Variants in PTDSS2 observed in about 807,000 individuals in gnomAD.
The protein encoded by PTDSS2 is PSS-2.
Under a neutral mutation model 64.7 loss-of-function variants are expected in PTDSS2, and 41 were observed. The ratio of observed to expected loss-of-function variants is 0.63; its 90% CI spans 0.49 to 0.82. The LOEUF (loss-of-function observed/expected upper bound fraction) is 0.82, where lower values mean the gene tolerates loss of function less well. Among genes scored for constraint, PTDSS2 ranks in the 40% least tolerant of loss-of-function variants. The pLI, the probability that PTDSS2 is intolerant of heterozygous loss-of-function variation, is 0.00. For missense variants in PTDSS2, 485 were observed against 650.0 expected (o/e 0.75, Z 2.76); for synonymous variants, 297 against 277.8 (o/e 1.07, Z -0.69).
At chr11:459,006 C>T (rs1221572362) in intron 1 of PTDSS2, 1 of 152,250 alleles carries the variant, frequency 6.6e-6, no homozygotes, top group Non-Finnish European at 1.5e-5. Flanking sequence ...GGTGCATCAT[C>T]TCTCCAAGGA....
At chr11:473,713 G>A (rs1383259202) in intron 2 of PTDSS2, among the ~76,000 whole-genome samples, 182 bp from the exon 3 acceptor site, 1 of 152,248 alleles carries the variant, frequency 6.6e-6, no homozygotes, top group Non-Finnish European at 1.5e-5. Flanking sequence ...TCCGGCCCAG[G>A]GTGGTGGAGG....
chr11:488,022 C>T (rs1345553077), intron 6 of PTDSS2, among the ~76,000 whole-genome samples, 177 bp from the exon 7 acceptor site: 67 of 146,788 alleles, frequency 4.6e-4, no homozygotes, highest in Non-Finnish European at 3.0e-5. Flanking sequence ...CCGGGCGTGG[C>T]CTGCGTCCCA....
In PTDSS2 at chr11:479,002, G is replaced by A; in HGVS notation, c.368-83G>A. ...GCCCAGAAGAGACACTGGGTGTGAAGGAGCCAGGAGCCGGCCTGGGGCTGA... is the reference window on the plus strand; with the variant it reads ...GCCCAGAAGAGACACTGGGTGTGAAAGAGCCAGGAGCCGGCCTGGGGCTGA... On this transcript the variant is annotated intron_variant, in intron 3 of 11. Coordinates refer to ENST00000308020, the MANE Select transcript of PTDSS2 (RefSeq NM_030783.3). The surrounding 1 kb of genome is among the most constrained non-coding windows in gnomAD (Gnocchi z 4.2). 9.0e-7 allele frequency: 1 copy of A among 1,109,746 alleles called. No individual in the cohort carries two copies. The highest frequency in any genetic ancestry group is 1.4e-6 in the Non-Finnish European group (1 of 725,574). The allele number at this position is 1,109,746 out of a possible 1,614,324, so 68.7% of individuals were successfully genotyped here. A position where few individuals can be genotyped will look rare whatever the true frequency, so the allele number is the denominator to read the frequency against.
intron 2 of PTDSS2, among the ~76,000 whole-genome samples, chr11:464,505 T>C (rs1002330303): frequency 1.3e-5 from 2 of 152,102 alleles, no homozygotes; most frequent in African/African-American, 4.8e-5. Flanking sequence ...TCACCCCGGC[T>C]CGGGCAGTGC....
In PTDSS2 at chr11:450,319, C is replaced by A. The variant is rs143028950; in HGVS notation, c.-137C>A. On this transcript the variant is annotated 5_prime_UTR_variant, in exon 1 of 12. Transcript: ENST00000308020. Reference sequence around the variant, plus strand: ...CCCTTTACTGGCCGGCCCCGCGCTGCTCTCCTAAGACCCCGCGGGCCAGCG... The same window carrying A: ...CCCTTTACTGGCCGGCCCCGCGCTGATCTCCTAAGACCCCGCGGGCCAGCG... 955 of 692,516 alleles carry A rather than the reference C, an allele frequency of 1.4e-3. 9 individuals are homozygous for A. The African/African-American group carries it at 0.016, about 12-fold the overall frequency. 42.9% of individuals were successfully genotyped at this position (692,516 alleles called of 1,614,324 possible). A position where few individuals can be genotyped will look rare whatever the true frequency, so the allele number is the denominator to read the frequency against.
chr11:486,854 AT>A (rs201246688), intron 4 of PTDSS2, 84 bp from the exon 5 acceptor site: 13,892 of 1,371,628 alleles, frequency 0.01, 11 homozygotes, highest in African/African-American at 0.015. Flanking sequence ...TCTCAAAAAA[AT>A]AAAATAAATA....
At chr11:465,325 G>T (rs1847093471) in intron 2 of PTDSS2, among the ~76,000 whole-genome samples, 1 of 152,206 alleles carries the variant, frequency 6.6e-6, no homozygotes. Flanking sequence ...CAAGGAGCTA[G>T]GACTACCGGT....
intron 2 of PTDSS2, among the ~76,000 whole-genome samples, chr11:473,300 G>T (rs12418639): frequency 0.098 from 14,944 of 152,294 alleles, 1,017 homozygotes; most frequent in Admixed American, 0.19. Flanking sequence ...GAGTCCCGTT[G>T]GTTTTGGATG....
At chr11:463,459 T>C (rs1399484487) in intron 2 of PTDSS2, 2 of 151,322 alleles carry the variant, frequency 1.3e-5, no homozygotes, top group African/African-American at 4.9e-5. Context: ...TTTTTTTTTT[T>C]TGGTCAATGT....
At chr11:450,161 A>T (rs1194107158), upstream of PTDSS2, 1 of 303,826 alleles carries the variant, frequency 3.3e-6, no homozygotes, top group African/African-American at 2.2e-5. Flanking sequence ...CCTCAGCCGC[A>T]GGGCGGTCCG....
chr11:452,408 C>T (rs1324187681), intron 1 of PTDSS2, among the ~76,000 whole-genome samples: 1 of 152,222 alleles, frequency 6.6e-6, no homozygotes, highest in Non-Finnish European at 1.5e-5. Context: ...CCACCCAGTA[C>T]CAGGGAAGCA....
In PTDSS2 at chr11:490,810, GCGCGTGTGTACA is replaced by G. The variant is rs1169109271; in HGVS notation, c.*230_*241del. The G allele has an allele frequency of 5.2e-6, 3 of 574,900 alleles. No homozygotes were observed. In the East Asian group the frequency reaches 8.6e-5, roughly 16 times the overall value. The allele number at this position is 574,900 out of a possible 1,614,324, so 35.6% of individuals were successfully genotyped here. A position where few individuals can be genotyped will look rare whatever the true frequency, so the allele number is the denominator to read the frequency against. ...TATGCGTGTGTGTACGCGTGTGTAC[GCGCGTGTGTACA>G]CATGCGTGGCCGCCTGTGGTGTGCA... On this transcript the variant is annotated 3_prime_UTR_variant, in exon 12 of 12. Transcript: ENST00000308020.
chr11:490,462 G>T lies in PTDSS2; in HGVS notation c.1344G>T (p.Trp448Cys), dbSNP rs749867975. 5.6e-6 allele frequency: 9 copies of T among 1,613,238 alleles called. No individual in the cohort carries two copies. In the East Asian group the frequency reaches 1.6e-4, roughly 28 times the overall value. ...ACAAGGAGACCCGGTGGCAGAAGTG[G>T]CAGAACAAGGATGACCAGGGCAGCA... ...LRYKETRWQK[W>C]QNKDDQGSTV... The change falls in exon 12 of 12, where the codon TGG (tryptophan) becomes TGT (cysteine). Residue 448 changes from tryptophan to cysteine, a missense_variant. Trp to Cys is a radical substitution (Grantham distance 215). Transcript: ENST00000308020.
chr11:486,919 CGGG>C lies in PTDSS2; in HGVS notation c.436-17_436-15del, dbSNP rs765083495. 46 of 1,595,808 alleles carry C rather than the reference CGGG, an allele frequency of 2.9e-5. No homozygotes were observed. Among genetic ancestry groups the C allele is most frequent in the Non-Finnish European group, 3.8e-5 (44 of 1,170,656 alleles). ...CCACCACTAACTGTAGCCCCGCTGA[CGGG>C]GGCACTGGCCTTGCAGACTGTCCAG... On this transcript the variant is annotated splice_polypyrimidine_tract_variant and intron_variant, in intron 4 of 11. Transcript: ENST00000308020.
chr11:457,941 G>A (rs561720978), intron 1 of PTDSS2, among the ~76,000 whole-genome samples: 21 of 152,308 alleles, frequency 1.4e-4, no homozygotes, highest in African/African-American at 2.6e-4. Flanking sequence ...AATTTCAGCC[G>A]TTCCAGCAGA....
At chr11:474,085 GC>G in intron 3 of PTDSS2, 108 bp downstream of exon 3, 1 of 954,434 alleles carries the variant, frequency 1.0e-6, no homozygotes, top group Non-Finnish European at 1.7e-6. Context: ...CCTCCGCCTG[GC>G]CCCTCCCCGA....
intron 1 of PTDSS2, among the ~76,000 whole-genome samples, chr11:458,144 TTTC>T (rs1300471078): frequency 1.3e-5 from 2 of 152,368 alleles, no homozygotes; most frequent in African/African-American, 4.8e-5. Context: ...TTGCCTATTT[TTTC>T]ATTAAATTGT....
chr11:487,208 C>T (rs1848434227), intron 5 of PTDSS2, 135 bp downstream of exon 5: 6 of 1,023,800 alleles, frequency 5.9e-6, no homozygotes, highest in South Asian at 3.0e-5. Context: ...TGCTGAGGCC[C>T]TGTCCGTCTG....
At chr11:452,235 G>A (rs1564956241) in intron 1 of PTDSS2, among the ~76,000 whole-genome samples, 1 of 152,232 alleles carries the variant, frequency 6.6e-6, no homozygotes, top group Non-Finnish European at 1.5e-5. Flanking sequence ...AGCACATTGT[G>A]GGGACCCCTA....
Sources: allele counts gnomAD v4.1 joint callset (sites outside exome capture counted in the v4.1 genomes callset), GRCh38; gene constraint gnomAD v4.1.1; non-coding constraint Gnocchi (gnomAD v3.1); transcripts MANE v1.5; gene names NCBI Gene and HGNC (gene_info 2026-07-23, HGNC 2026-07-21).